Variants in NRG1 observed in about 807,000 individuals in gnomAD.
The protein encoded by NRG1 is pro-neuregulin-1, membrane-bound isoform.
A neutral mutation model predicts 63.8 loss-of-function variants in NRG1; 18 were observed. The ratio of observed to expected loss-of-function variants is 0.28; its 90% CI spans 0.19 to 0.42. The LOEUF (loss-of-function observed/expected upper bound fraction) is 0.42. Among genes scored for constraint, NRG1 ranks in the 10% least tolerant of loss-of-function variants. The pLI, the probability that NRG1 is intolerant of heterozygous loss-of-function variation, is 1.00. For missense variants in NRG1, 762 were observed against 814.7 expected, an observed-to-expected ratio of 0.94 and a Z score of 0.79; for synonymous variants, 302 against 301.3, an observed-to-expected ratio of 1.00 and a Z score of -0.02.
intron 5 of NRG1, among the ~76,000 whole-genome samples, chr8:32,641,554 T>G (rs932435991): frequency 1.3e-5 from 2 of 152,200 alleles, no homozygotes; most frequent in African/African-American, 4.8e-5. Flanking sequence ...CGTATGCAAT[T>G]AAAATATCTT....
chr8:32,022,963 C>T (rs1816690721), intron 1 of NRG1, among the ~76,000 whole-genome samples: 1 of 152,144 alleles, frequency 6.6e-6, no homozygotes, highest in East Asian at 1.9e-4. Context: ...TCAGCACAAC[C>T]TTTTGGATTA....
chr8:32,086,706 G>T (rs998640406), intron 1 of NRG1, among the ~76,000 whole-genome samples: 5 of 152,130 alleles, frequency 3.3e-5, no homozygotes, highest in African/African-American at 9.7e-5. Flanking sequence ...GAACATTCAG[G>T]CATGGGGAAC....
intron 1 of NRG1, among the ~76,000 whole-genome samples, chr8:32,498,744 T>A (rs1256830973): frequency 6.6e-6 from 1 of 152,204 alleles, no homozygotes; most frequent in East Asian, 1.9e-4. Context: ...CATCTCAGTG[T>A]TGACTCCCTA....
chr8:32,466,046 T>C (rs1040853498), intron 1 of NRG1, among the ~76,000 whole-genome samples: 4 of 152,224 alleles, frequency 2.6e-5, no homozygotes, highest in Admixed American at 6.5e-5. Context: ...AATGAGCCTG[T>C]AATACCAGCA....
chr8:32,383,729 C>T (rs959005525), intron 1 of NRG1, among the ~76,000 whole-genome samples: 24 of 152,138 alleles, frequency 1.6e-4, no homozygotes, highest in African/African-American at 4.8e-5. Context: ...TGGATTGGTC[C>T]GTCATGCGGT....
intron 11 of NRG1, 119 bp downstream of exon 11, chr8:32,760,525 GT>G: frequency 6.7e-7 from 1 of 1,502,130 alleles, no homozygotes; most frequent in Non-Finnish European, 8.8e-7. Context: ...GCAGTTACCT[GT>G]TCTAGGAGTG....
chr8:31,958,044 C>CAGATAGAT (rs59793665), intron 1 of NRG1, among the ~76,000 whole-genome samples: 54,738 of 145,624 alleles, frequency 0.38, 10,550 homozygotes, highest in Middle Eastern at 0.45. Context: ...CAGTAGAGAC[C>CAGATAGAT]AGATAGATAG....
intron 5 of NRG1, among the ~76,000 whole-genome samples, chr8:32,670,966 A>G (rs549028555): frequency 2.6e-4 from 39 of 152,256 alleles, no homozygotes; most frequent in Admixed American, 2.3e-3. Flanking sequence ...AAAATCACAC[A>G]TCTCACATTG....
At chr8:31,726,114 G>A (rs1053262694) in intron 1 of NRG1, among the ~76,000 whole-genome samples, 2 of 151,894 alleles carry the variant, frequency 1.3e-5, no homozygotes, top group Non-Finnish European at 1.5e-5. Flanking sequence ...CTTTTCCAGG[G>A]GGTTTTAGTG....
intron 1 of NRG1, among the ~76,000 whole-genome samples, chr8:31,861,397 A>G (rs1258444568): frequency 1.3e-5 from 2 of 152,002 alleles, no homozygotes; most frequent in Non-Finnish European, 2.9e-5. Context: ...TTCAAAATCT[A>G]TTACTGTTTT....
At chr8:31,773,795 C>T (rs1286085388) in intron 1 of NRG1, among the ~76,000 whole-genome samples, 1 of 152,058 alleles carries the variant, frequency 6.6e-6, no homozygotes, top group Non-Finnish European at 1.5e-5. Context: ...TAATGATCCC[C>T]CCAGCTGATA....
chr8:31,953,145 A>G (rs554967664), intron 1 of NRG1, among the ~76,000 whole-genome samples: 1 of 152,296 alleles, frequency 6.6e-6, no homozygotes, highest in South Asian at 2.1e-4. Context: ...AACACAGCAT[A>G]CAAATATTTC....
intron 1 of NRG1, among the ~76,000 whole-genome samples, chr8:31,987,850 G>A (rs1009707713): frequency 6.6e-6 from 1 of 152,048 alleles, no homozygotes; most frequent in Non-Finnish European, 1.5e-5. Flanking sequence ...AAAATAATTA[G>A]AGAGTGGTAG....
At chr8:31,901,066 C>A (rs1832034583) in intron 1 of NRG1, among the ~76,000 whole-genome samples, 1 of 152,236 alleles carries the variant, frequency 6.6e-6, no homozygotes, top group Non-Finnish European at 1.5e-5. Context: ...CTCATTCTTA[C>A]TCAAAATTTA....
intron 5 of NRG1, among the ~76,000 whole-genome samples, chr8:32,626,571 T>G (rs1849319709): frequency 6.6e-6 from 1 of 151,686 alleles, no homozygotes; most frequent in Non-Finnish European, 1.5e-5. Context: ...TCCCAGCTAC[T>G]GGGGAGGCTG....
chr8:32,264,338 GA>G (rs886670072), intron 1 of NRG1, among the ~76,000 whole-genome samples: 38 of 151,728 alleles, frequency 2.5e-4, no homozygotes, highest in African/African-American at 8.0e-4. Context: ...TCATTTGAGG[GA>G]AAAAAATTAA....
intron 1 of NRG1, among the ~76,000 whole-genome samples, chr8:31,884,223 G>C (rs1402855764): frequency 6.6e-6 from 1 of 152,036 alleles, no homozygotes; most frequent in Non-Finnish European, 1.5e-5. Flanking sequence ...TTATTTTGAG[G>C]CCTCGTGTAA....
intron 1 of NRG1, among the ~76,000 whole-genome samples, chr8:32,228,599 A>G (rs947425166): frequency 1.6e-4 from 25 of 152,196 alleles, no homozygotes; most frequent in Admixed American, 1.2e-3. Context: ...TGATTTTTCT[A>G]CACTATAGGA....
intron 1 of NRG1, among the ~76,000 whole-genome samples, chr8:32,499,233 C>A (rs1827575037): frequency 6.6e-6 from 1 of 152,140 alleles, no homozygotes; most frequent in South Asian, 2.1e-4. Flanking sequence ...GAGTGGGGCA[C>A]CCCTCTGAAG....
Sources: gnomAD v4.1 joint callset for allele counts (sites outside exome capture counted in the v4.1 genomes callset) on GRCh38, gnomAD v4.1.1 for gene constraint, MANE v1.5 for transcripts, NCBI Gene and HGNC (gene_info 2026-07-23, HGNC 2026-07-21) for gene names.